Variants in ZSCAN25 observed in about 807,000 individuals in gnomAD.
ZSCAN25 encodes the protein zinc finger and SCAN domain containing 25, also known as zinc finger and SCAN domain-containing protein 25.
ZSCAN25 carries 27 observed loss-of-function variants against 38.7 expected under a neutral mutation model. That is an observed-to-expected ratio of 0.70 (90% CI 0.51 to 0.96). The LOEUF (loss-of-function observed/expected upper bound fraction) is 0.96. Ranked by LOEUF, ZSCAN25 falls within the 40% of genes least tolerant of loss-of-function variation. The pLI is 0.00. For synonymous variants in ZSCAN25, 273 were observed against 277.7 expected (o/e 0.98, Z 0.17); for missense variants, 637 against 705.9 (o/e 0.90, Z 1.11).
chr7:99,705,623 A>C, the ZSCAN25 span: 1 of 1,611,076 alleles, frequency 6.2e-7, no homozygotes, highest in African/African-American at 1.3e-5. Context: ...GCATATTGAG[A>C]AGCATTAAAT....
chr7:99,734,948 G>T, the ZSCAN25 span: 1 of 1,606,238 alleles, frequency 6.2e-7, no homozygotes, highest in Admixed American at 1.7e-5. Flanking sequence ...ATTCAAAACA[G>T]ATAAGGGAAA....
the ZSCAN25 span, among the ~76,000 whole-genome samples, chr7:99,644,748 C>G: frequency 4.6e-5 from 7 of 152,200 alleles, no homozygotes; most frequent in African/African-American, 1.7e-4. Flanking sequence ...ATGTTCTTCA[C>G]TCACAGAAAA....
At chr7:99,703,532 C>A in the ZSCAN25 span, among the ~76,000 whole-genome samples, 1 of 152,124 alleles carries the variant, frequency 6.6e-6, no homozygotes, top group Admixed American at 6.6e-5. Flanking sequence ...TATCGTATAT[C>A]TGTTATCTAT....
the ZSCAN25 span, chr7:99,664,019 TA>T: frequency 1.3e-6 from 2 of 1,599,604 alleles, no homozygotes; most frequent in Non-Finnish European, 1.7e-6. Flanking sequence ...CAGATTTACT[TA>T]AAAAATTTAT....
At chr7:99,722,248 C>T in the ZSCAN25 span, 9 of 1,611,826 alleles carry the variant, frequency 5.6e-6, no homozygotes, top group Non-Finnish European at 7.6e-6. Flanking sequence ...GTGGGGTAAA[C>T]TCATCATAGA....
chr7:99,631,731 C>T lies in ZSCAN25; in HGVS notation c.*1711C>T. The T allele has an allele frequency of 2.0e-6, 2 of 985,396 alleles. No individual in the cohort carries two copies. The highest frequency in any genetic ancestry group is 2.4e-6 in the Non-Finnish European group (2 of 829,950). The allele number at this position is 985,396 out of a possible 1,614,324, so 61.0% of individuals were successfully genotyped here. On this transcript the variant is annotated 3_prime_UTR_variant, in exon 8 of 8. Coordinates refer to ENST00000394152, the MANE Select transcript of ZSCAN25 (RefSeq NM_145115.3). ...TTTATCACCTGTTCTTGTTAGGCAG[C>T]ATGGTGTCTAATTTTGGCTTAGCAA...
rs1393461506 is a variant in ZSCAN25, at chr7:99,629,102, A to G, written c.806-89A>G. 2.7e-6 allele frequency: 4 copies of G among 1,497,502 alleles called. No homozygotes were observed. The highest frequency in any genetic ancestry group is 1.4e-5 in the African/African-American group (1 of 71,304). 92.8% of individuals were successfully genotyped at this position (1,497,502 alleles called of 1,614,324 possible). On this transcript the variant is annotated intron_variant, in intron 7 of 7. Coordinates refer to ENST00000394152, the MANE Select transcript of ZSCAN25 (RefSeq NM_145115.3). The surrounding 1 kb of genome is among the most constrained non-coding windows in gnomAD (Gnocchi z 5.6). ...GTCAAAGGAAAAAAGAGAAGGAACCATGAATGGGACCCCTGTGAAGCAGAG... is the reference window on the plus strand; with the variant it reads ...GTCAAAGGAAAAAAGAGAAGGAACCGTGAATGGGACCCCTGTGAAGCAGAG...
At chr7:99,717,342 TG>T in the ZSCAN25 span, 2 of 1,610,480 alleles carry the variant, frequency 1.2e-6, no homozygotes, top group Non-Finnish European at 1.7e-6. Context: ...TTGCCTGGCA[TG>T]GAACAATAAG....
chr7:99,696,606 G>C, the ZSCAN25 span, among the ~76,000 whole-genome samples: 37 of 151,500 alleles, frequency 2.4e-4, no homozygotes, highest in Non-Finnish European at 4.3e-4. Flanking sequence ...CTGAATGACA[G>C]TGTGCAGAAG....
At chr7:99,657,001 A>G in the ZSCAN25 span, among the ~76,000 whole-genome samples, 1 of 152,006 alleles carries the variant, frequency 6.6e-6, no homozygotes, top group South Asian at 2.1e-4. Context: ...CTAGCATTCT[A>G]TCAATTTTGT....
the ZSCAN25 span, chr7:99,671,929 A>C: frequency 1.4e-6 from 1 of 689,826 alleles, no homozygotes; most frequent in South Asian, 1.5e-5. Context: ...AAACACACAC[A>C]AACAAGGGCA....
chr7:99,705,432 TA>T, the ZSCAN25 span: 10 of 1,541,100 alleles, frequency 6.5e-6, no homozygotes, highest in Middle Eastern at 1.7e-4. Flanking sequence ...ATTTGTAAAG[TA>T]ATTTGAGGTC....
At chr7:99,697,453 G>A in the ZSCAN25 span, among the ~76,000 whole-genome samples, 7 of 152,282 alleles carry the variant, frequency 4.6e-5, no homozygotes, top group South Asian at 4.1e-4. Flanking sequence ...AGGAAAATGT[G>A]GCTGAAAAGT....
chr7:99,646,619 G>A, the ZSCAN25 span, among the ~76,000 whole-genome samples: 8 of 152,042 alleles, frequency 5.3e-5, no homozygotes, highest in Non-Finnish European at 1.2e-4. Flanking sequence ...AGTGTCCTGG[G>A]CTCATCTTGA....
chr7:99,625,567 T>C (rs1178075468), intron 7 of ZSCAN25, among the ~76,000 whole-genome samples: 1 of 152,138 alleles, frequency 6.6e-6, no homozygotes, highest in Non-Finnish European at 1.5e-5. Flanking sequence ...GCATACTTTA[T>C]GTGGAGATGT....
At chr7:99,686,751 C>T in the ZSCAN25 span, among the ~76,000 whole-genome samples, 2 of 134,534 alleles carry the variant, frequency 1.5e-5, no homozygotes, top group Non-Finnish European at 3.2e-5. Flanking sequence ...CTGGGAGGCA[C>T]CCCCCCCCCA....
At chr7:99,687,188 G>C in the ZSCAN25 span, among the ~76,000 whole-genome samples, 7 of 152,238 alleles carry the variant, frequency 4.6e-5, no homozygotes, top group Non-Finnish European at 7.3e-5. Context: ...ACTTTGGCAA[G>C]TTGAGAGAAG....
the ZSCAN25 span, among the ~76,000 whole-genome samples, chr7:99,683,659 C>T: frequency 6.6e-6 from 1 of 152,142 alleles, no homozygotes; most frequent in African/African-American, 2.4e-5. Flanking sequence ...TAAATATGTT[C>T]TCCATGCCCT....
At chr7:99,637,925 T>TA in the ZSCAN25 span, among the ~76,000 whole-genome samples, 2 of 151,882 alleles carry the variant, frequency 1.3e-5, no homozygotes, top group Admixed American at 6.6e-5. Context: ...TCTCTCGAAA[T>TA]AAAAAAAATC....
Sources: gnomAD v4.1 joint callset for allele counts (sites outside exome capture counted in the v4.1 genomes callset) on GRCh38, gnomAD v4.1.1 for gene constraint, Gnocchi (gnomAD v3.1) non-coding constraint, MANE v1.5 for transcripts, NCBI Gene and HGNC (gene_info 2026-07-23, HGNC 2026-07-21) for gene names.